Variants in MSI2 observed in about 807,000 individuals in gnomAD.
MSI2 encodes musashi RNA binding protein 2.
MSI2 carries 17 observed loss-of-function variants against 45.6 expected under a neutral mutation model. That is an observed-to-expected ratio of 0.37 (90% CI 0.26 to 0.56). The LOEUF (loss-of-function observed/expected upper bound fraction) is 0.56. Among genes scored for constraint, MSI2 ranks in the 20% least tolerant of loss-of-function variants. The probability of loss-of-function intolerance (pLI) is 0.77; values close to 1 mark genes in which losing one functional copy is unlikely to be tolerated. For synonymous variants in MSI2, 156 were observed against 158.2 expected (o/e 0.99, Z 0.11); for missense variants, 293 against 444.2 (o/e 0.66, Z 3.06).
intron 5 of MSI2, among the ~76,000 whole-genome samples, chr17:57,360,278 C>T (rs1598168019): frequency 6.6e-6 from 1 of 152,248 alleles, no homozygotes; most frequent in Non-Finnish European, 1.5e-5. Flanking sequence ...GGATTTTCTA[C>T]CCTGCCTCAC....
At chr17:57,666,314 G>GT (rs2144726684) in intron 11 of MSI2, among the ~76,000 whole-genome samples, 1 of 152,310 alleles carries the variant, frequency 6.6e-6, no homozygotes, top group South Asian at 2.1e-4. Context: ...CTTCTTATCT[G>GT]TAACAGGGGT....
intron 5 of MSI2, among the ~76,000 whole-genome samples, chr17:57,339,623 C>T (rs921963466): frequency 5.3e-5 from 8 of 152,258 alleles, no homozygotes; most frequent in African/African-American, 1.9e-4. Flanking sequence ...CACACCCTGC[C>T]ATGATGACAG....
chr17:57,295,101 G>A (rs1043588768), intron 5 of MSI2, among the ~76,000 whole-genome samples: 1 of 152,202 alleles, frequency 6.6e-6, no homozygotes, highest in Non-Finnish European at 1.5e-5. Context: ...GAATTGGGAT[G>A]GGGGGAATGT....
chr17:57,331,558 G>C (rs980121697), intron 5 of MSI2, among the ~76,000 whole-genome samples: 1 of 152,218 alleles, frequency 6.6e-6, no homozygotes, highest in Non-Finnish European at 1.5e-5. Flanking sequence ...TGCCCCTCCT[G>C]AGCGAGATCT....
chr17:57,458,014 A>G lies in MSI2; in HGVS notation c.405+56543A>G, dbSNP rs146826323. 1.1e-3 allele frequency among the ~76,000 whole-genome samples: 161 copies of G among 152,268 alleles called. No homozygotes were observed. The Middle Eastern group carries it at 0.02, about 19-fold the overall frequency. ...ATATTTTTATCAACTGGGCATATAC[A>G]TATATAAAAATAGATATCAGATACC... is the stretch of plus-strand genomic sequence containing the variant. On this transcript the variant is annotated intron_variant, in intron 6 of 13. Coordinates refer to ENST00000284073, the MANE Select transcript of MSI2 (RefSeq NM_138962.4).
At chr17:57,300,478 T>G (rs1327785619) in intron 5 of MSI2, among the ~76,000 whole-genome samples, 2 of 152,220 alleles carry the variant, frequency 1.3e-5, no homozygotes, top group Non-Finnish European at 2.9e-5. Context: ...TTTTTCTGCG[T>G]GTACTACAAA....
chr17:57,384,518 A>G (rs1461684640), intron 5 of MSI2, among the ~76,000 whole-genome samples: 2 of 152,326 alleles, frequency 1.3e-5, no homozygotes, highest in Non-Finnish European at 2.9e-5. Flanking sequence ...TTTATGACTC[A>G]GCATTGAAAT....
intron 6 of MSI2, among the ~76,000 whole-genome samples, chr17:57,473,985 G>A (rs555161428): frequency 1.3e-5 from 2 of 152,220 alleles, no homozygotes; most frequent in South Asian, 4.1e-4. Context: ...TTTCGGTTTT[G>A]TTTTTCCTTC....
chr17:57,529,593 C>A lies in MSI2; in HGVS notation c.406-83C>A, dbSNP rs1425080579. The A allele has an allele frequency of 7.8e-7, 1 of 1,280,432 alleles. No individual in the cohort carries two copies. Among genetic ancestry groups the A allele is most frequent in the Non-Finnish European group, 1.1e-6 (1 of 888,942 alleles). The allele number at this position is 1,280,432 out of a possible 1,614,324, so 79.3% of individuals were successfully genotyped here. On this transcript the variant is annotated intron_variant, in intron 6 of 13. Coordinates refer to ENST00000284073, the MANE Select transcript of MSI2 (RefSeq NM_138962.4). This position sits in a 1 kb window ranked among gnomAD's most constrained non-coding sequence, Gnocchi z 5.3. The stretch of plus-strand genomic sequence containing the variant: ...ATTACTTCTGTAATGGAAACTACCC[C>A]CTCACCCCCCGACATGCATATAATG...
chr17:57,573,774 C>T (rs927373399), intron 7 of MSI2, among the ~76,000 whole-genome samples: 1 of 152,206 alleles, frequency 6.6e-6, no homozygotes, highest in African/African-American at 2.4e-5. Context: ...CCTGGGCTTA[C>T]ATCCCAGCTC....
At chr17:57,379,863 G>A (rs1240892369) in intron 5 of MSI2, among the ~76,000 whole-genome samples, 1 of 152,098 alleles carries the variant, frequency 6.6e-6, no homozygotes, top group African/African-American at 2.4e-5. Context: ...TCTCGAATAC[G>A]GTGACTCCCC....
chr17:57,475,456 T>C (rs898913979), intron 6 of MSI2, among the ~76,000 whole-genome samples: 3 of 152,182 alleles, frequency 2.0e-5, no homozygotes, highest in Admixed American at 6.5e-5. Context: ...TGATAGGTAG[T>C]GTACTGTCCT....
Position 57,652,287 on chromosome 17 carries a change from G to C in MSI2, c.790+126G>C. ...CACTCTCACCACAGCCCCGGGGAGG[G>C]GGTGGACGGGGAGGGGGTGGACCGG... is the stretch of plus-strand genomic sequence containing the variant. On this transcript the variant is annotated intron_variant, in intron 11 of 13. Coordinates refer to ENST00000284073, the MANE Select transcript of MSI2 (RefSeq NM_138962.4). The surrounding 1 kb of genome is among the most constrained non-coding windows in gnomAD (Gnocchi z 4.1). 1 of 997,444 alleles carries C rather than the reference G, an allele frequency of 1.0e-6. No homozygotes were observed. Among genetic ancestry groups the C allele is most frequent in the Non-Finnish European group, 1.5e-6 (1 of 669,118 alleles). The allele number at this position is 997,444 out of a possible 1,614,324, so 61.8% of individuals were successfully genotyped here.
intron 5 of MSI2, among the ~76,000 whole-genome samples, chr17:57,339,245 G>A (rs551689252): frequency 2.0e-4 from 30 of 152,310 alleles, no homozygotes; most frequent in Non-Finnish European, 3.2e-4. Context: ...GTGGCTTCGC[G>A]TTTGGGCAGC....
At chr17:57,562,115 C>A (rs892710823) in intron 7 of MSI2, among the ~76,000 whole-genome samples, 1 of 152,178 alleles carries the variant, frequency 6.6e-6, no homozygotes, top group Non-Finnish European at 1.5e-5. Flanking sequence ...CAATAAATAG[C>A]AGCTGTTGTT....
chr17:57,554,780 A>C (rs1370349062), intron 7 of MSI2, among the ~76,000 whole-genome samples: 1 of 152,246 alleles, frequency 6.6e-6, no homozygotes, highest in East Asian at 1.9e-4. Context: ...ACACACAGCC[A>C]ATGACAGAGC....
intron 6 of MSI2, among the ~76,000 whole-genome samples, chr17:57,411,138 A>G (rs1283531285): frequency 1.3e-5 from 2 of 151,964 alleles, no homozygotes; most frequent in East Asian, 3.9e-4. Flanking sequence ...CCAAGTAGCT[A>G]GGACTACAGG....
intron 6 of MSI2, among the ~76,000 whole-genome samples, chr17:57,467,908 C>G (rs1057049581): frequency 1.5e-5 from 2 of 137,194 alleles, no homozygotes; most frequent in Non-Finnish European, 3.0e-5. Context: ...CACTGACAGT[C>G]TCTGGCCCAT....
chr17:57,541,752 T>C (rs957462787), intron 7 of MSI2, among the ~76,000 whole-genome samples: 1 of 152,164 alleles, frequency 6.6e-6, no homozygotes, highest in African/African-American at 2.4e-5. Context: ...GCAAACCAAG[T>C]AGTGTATAAA....
Sources: gnomAD v4.1 joint callset for allele counts (sites outside exome capture counted in the v4.1 genomes callset) on GRCh38, gnomAD v4.1.1 for gene constraint, Gnocchi (gnomAD v3.1) non-coding constraint, MANE v1.5 for transcripts, NCBI Gene and HGNC (gene_info 2026-07-23, HGNC 2026-07-21) for gene names.